The following CHD1L variants were observed in gnomAD, a reference collection of about 807,000 sequenced individuals.
CHD1L encodes the protein chromodomain helicase DNA binding protein 1 like.
CHD1L carries 118 observed loss-of-function variants against 115.9 expected under a neutral mutation model. The ratio of observed to expected loss-of-function variants is 1.02; its 90% confidence interval spans 0.88 to 1.19. The LOEUF (loss-of-function observed/expected upper bound fraction) is 1.19, where lower values mean the gene tolerates loss of function less well. CHD1L is among the 50% of genes most tolerant of loss of function. The pLI is 0.00. For missense variants in CHD1L, 1,179 were observed against 1,065.3 expected, an observed-to-expected ratio of 1.11 and a Z score of -1.49; for synonymous variants, 411 against 387.1, an observed-to-expected ratio of 1.06 and a Z score of -0.72.
the CHD1L span, among the ~76,000 whole-genome samples, chr1:147,199,206 G>A: frequency 6.6e-6 from 1 of 151,972 alleles, no homozygotes; most frequent in African/African-American, 2.4e-5. Flanking sequence ...GACAAGGAAG[G>A]AGGCAGGCTT....
the CHD1L span, among the ~76,000 whole-genome samples, chr1:147,212,723 C>T: frequency 6.6e-6 from 1 of 152,006 alleles, no homozygotes; most frequent in Non-Finnish European, 1.5e-5. Flanking sequence ...CAGAGTAGTA[C>T]CTTGTGATTT....
intron 15 of CHD1L, among the ~76,000 whole-genome samples, chr1:147,281,796 A>AT (rs1553962106): frequency 1.3e-4 from 20 of 151,728 alleles, no homozygotes; most frequent in African/African-American, 3.4e-4. Flanking sequence ...TCTTTAAAAA[A>AT]ATATATATAT....
the CHD1L span, among the ~76,000 whole-genome samples, chr1:147,207,474 C>A: frequency 3.9e-5 from 6 of 152,178 alleles, no homozygotes; most frequent in African/African-American, 1.4e-4. Context: ...GGACCCCATC[C>A]TTTGTACTTT....
chr1:147,269,965 T>TTGG (rs1337840952), intron 10 of CHD1L, among the ~76,000 whole-genome samples: 61 of 152,310 alleles, frequency 4.0e-4, no homozygotes, highest in African/African-American at 1.4e-3. Context: ...TATGTTAGAG[T>TTGG]TGGAGAAGGA....
At chr1:147,178,840 A>G in the CHD1L span, 2,481 of 1,591,014 alleles carry the variant, frequency 1.6e-3, 24 homozygotes, top group African/African-American at 0.017. Flanking sequence ...CATTTTTGGT[A>G]TCTGCCCTCA....
At chr1:147,289,963 T>C (rs1684855501) in intron 19 of CHD1L, among the ~76,000 whole-genome samples, 1 of 152,184 alleles carries the variant, frequency 6.6e-6, no homozygotes, top group African/African-American at 2.4e-5. Context: ...GCTGGTCGTT[T>C]TGGGGGATTT....
intron 2 of CHD1L, among the ~76,000 whole-genome samples, chr1:147,254,399 TGGGAGGAAGTGA>T (rs1669372285): frequency 6.6e-6 from 1 of 151,412 alleles, no homozygotes; most frequent in African/African-American, 2.4e-5. Context: ...TAGGGGAAGG[TGGGAGGAAGTGA>T]GGGAGGAAGG....
the CHD1L span, chr1:147,179,434 G>T: frequency 6.3e-7 from 1 of 1,593,990 alleles, no homozygotes; most frequent in Non-Finnish European, 8.6e-7. Flanking sequence ...AGCCAATGAT[G>T]TGCCTTCTCC....
At chr1:147,244,578 C>A (rs1339310057) in intron 1 of CHD1L, among the ~76,000 whole-genome samples, 1 of 152,102 alleles carries the variant, frequency 6.6e-6, no homozygotes, top group East Asian at 1.9e-4. Context: ...TATTAATCTC[C>A]ATAATCTCCT....
chr1:147,275,765 G>T (rs1160966680), intron 13 of CHD1L, among the ~76,000 whole-genome samples: 1 of 141,342 alleles, frequency 7.1e-6, no homozygotes, highest in Non-Finnish European at 1.5e-5. Context: ...TGGGGTTATG[G>T]GGCTATGGAG....
At chr1:147,276,040 T>G in intron 13 of CHD1L, 64 bp from the exon 14 acceptor site, 2 of 1,508,522 alleles carry the variant, frequency 1.3e-6, no homozygotes, top group African/African-American at 2.8e-5. Flanking sequence ...GTATTTACCT[T>G]GCATACTTTT....
chr1:147,268,932 C>A lies in CHD1L; in HGVS notation c.1085+54C>A, dbSNP rs965291748. On this transcript the variant is annotated intron_variant, in intron 10 of 22. Coordinates refer to ENST00000369258, the MANE Select transcript of CHD1L (RefSeq NM_004284.6). ...TGAGCTAATGACTGTTAAAACCTGA[C>A]TATTGAGGAACTCACTGAGTTGTTC... 9 of 1,387,194 alleles carry A rather than the reference C, an allele frequency of 6.5e-6. No individual in the cohort carries two copies. The East Asian group carries it at 1.9e-4, about 29-fold the overall frequency. 85.9% of individuals were successfully genotyped at this position (1,387,194 alleles called of 1,614,324 possible).
At chr1:147,283,180 A>T (rs182515106) in intron 15 of CHD1L, among the ~76,000 whole-genome samples, 4 of 152,084 alleles carry the variant, frequency 2.6e-5, no homozygotes, top group Non-Finnish European at 5.9e-5. Flanking sequence ...TCTCAGCTCT[A>T]TTTTTTTCTA....
the CHD1L span, chr1:147,186,768 A>G: frequency 1.1e-5 from 16 of 1,462,548 alleles, no homozygotes; most frequent in Non-Finnish European, 1.4e-5. Context: ...AAGGAAAGTG[A>G]ATTAATGCTT....
chr1:147,264,026 A>T (rs1672952514), intron 6 of CHD1L, among the ~76,000 whole-genome samples: 3 of 152,172 alleles, frequency 2.0e-5, no homozygotes, highest in Admixed American at 2.0e-4. Flanking sequence ...TGGATTCTCA[A>T]ACTGCATGAG....
chr1:147,223,078 C>A, the CHD1L span, among the ~76,000 whole-genome samples: 1 of 152,190 alleles, frequency 6.6e-6, no homozygotes, highest in African/African-American at 2.4e-5. Context: ...TTATCCACTT[C>A]TTAAAGATGA....
chr1:147,275,550 A>G lies in CHD1L; in HGVS notation c.1385+82A>G, dbSNP rs34022752. 8.3e-3 allele frequency: 8,741 copies of G among 1,055,240 alleles called. 64 individuals are homozygous for G. The highest frequency in any genetic ancestry group is 0.015 in the South Asian group (1,114 of 74,364). The allele number at this position is 1,055,240 out of a possible 1,614,324, so 65.4% of individuals were successfully genotyped here. Reference sequence around the variant, plus strand: ...AAAGGTGAAGAATATAGTCCTGGTGACAGTCCCACACTGGGAGCTGAGAGA... The same window carrying G: ...AAAGGTGAAGAATATAGTCCTGGTGGCAGTCCCACACTGGGAGCTGAGAGA... On this transcript the variant is annotated intron_variant, in intron 13 of 22. Transcript: ENST00000369258.
intron 12 of CHD1L, among the ~76,000 whole-genome samples, chr1:147,275,136 A>T (rs1473654893): frequency 6.6e-6 from 1 of 152,186 alleles, no homozygotes; most frequent in Non-Finnish European, 1.5e-5. Flanking sequence ...TGTTCCATTC[A>T]GTAATAAAAA....
At chr1:147,174,210 T>G in the CHD1L span, among the ~76,000 whole-genome samples, 1 of 152,178 alleles carries the variant, frequency 6.6e-6, no homozygotes, top group African/African-American at 2.4e-5. Context: ...AACTTCTTGC[T>G]CACCCCTCCA....
Sources: allele counts gnomAD v4.1 joint callset (sites outside exome capture counted in the v4.1 genomes callset), GRCh38; gene constraint gnomAD v4.1.1; transcripts MANE v1.5; gene names NCBI Gene and HGNC (gene_info 2026-07-23, HGNC 2026-07-21).